DENND3: variants seen among roughly 807,000 people sequenced by gnomAD.
The protein encoded by DENND3 is DENN domain-containing protein 3.
DENND3 carries 88 observed loss-of-function variants against 135.1 expected under a neutral mutation model. The ratio of observed to expected loss-of-function variants is 0.65; its 90% CI spans 0.55 to 0.78. The LOEUF is 0.78. Ranked by LOEUF, DENND3 falls within the 30% of genes least tolerant of loss-of-function variation. DENND3 has a pLI of 0.00. For synonymous variants in DENND3, 693 were observed against 712.3 expected (o/e 0.97, Z 0.43); for missense variants, 1,392 against 1,688.4 (o/e 0.82, Z 3.08).
intron 5 of DENND3, chr8:141,150,248 AAG>A: frequency 8.7e-7 from 1 of 1,147,656 alleles, no homozygotes; most frequent in Non-Finnish European, 1.1e-6. Flanking sequence ...TCCCTCAGTG[AAG>A]GAACTGAACC....
rs1483569831 is a variant in DENND3 at position 141,141,576 on chromosome 8, G to C, written c.623+252G>C. 2 of 515,702 alleles carry C rather than the reference G, an allele frequency of 3.9e-6. No homozygotes were observed. Among genetic ancestry groups the C allele is most frequent in the East Asian group, 6.9e-5 (2 of 29,062 alleles). The allele number at this position is 515,702 out of a possible 1,614,324, so 31.9% of individuals were successfully genotyped here. ...CTCCTCTCTGTGACTGGTAACATAC[G>C]GTAATGGCATGGTAGGAAAGGGATG... On this transcript the variant is annotated intron_variant, in intron 4 of 22. Transcript: ENST00000519811. This position sits in a 1 kb window ranked among gnomAD's most constrained non-coding sequence, Gnocchi z 5.3.
At position 141,141,464 on chromosome 8, in the gene DENND3, TG is replaced by T; in HGVS notation, c.623+145del. Reference sequence around the variant, plus strand: ...CCTGGTGAGCCGGGGGACCGGGCGCTGGGGGCAGTAGGAGGGGCAGTTCTCT... The same window carrying T: ...CCTGGTGAGCCGGGGGACCGGGCGCTGGGGCAGTAGGAGGGGCAGTTCTCT... On this transcript the variant is annotated intron_variant, in intron 4 of 22. Transcript: ENST00000519811. This position sits in a 1 kb window ranked among gnomAD's most constrained non-coding sequence, Gnocchi z 5.3. 2.5e-6 allele frequency: 2 copies of T among 789,458 alleles called. No individual in the cohort carries two copies. The highest frequency in any genetic ancestry group is 3.5e-6 in the Non-Finnish European group (2 of 571,980). The allele number at this position is 789,458 out of a possible 1,614,324, so 48.9% of individuals were successfully genotyped here.
At chr8:141,145,280 A>G (rs1182003221) in intron 5 of DENND3, among the ~76,000 whole-genome samples, 1 of 152,196 alleles carries the variant, frequency 6.6e-6, no homozygotes, top group African/African-American at 2.4e-5. Context: ...TTGCCAAGTA[A>G]AGAATCCCTG....
In DENND3 at chr8:141,151,599, G is replaced by A; in HGVS notation, c.856-20G>A. On this transcript the variant is annotated intron_variant, in intron 6 of 22. Transcript: ENST00000519811. ...TTTTTTTTAAAAGCATGTACTCAGT[G>A]CGGCGGGTTCTCCCCTCAGATCCTG... is the stretch of plus-strand genomic sequence containing the variant. 1 of 1,607,646 alleles carries A rather than the reference G, an allele frequency of 6.2e-7. No individual in the cohort carries two copies. The highest frequency in any genetic ancestry group is 8.5e-7 in the Non-Finnish European group (1 of 1,174,494).
rs1419652443 is a variant in DENND3, at chr8:141,146,681, C to A, written c.735+2422C>A. On this transcript the variant is annotated intron_variant, in intron 5 of 22. Transcript: ENST00000519811. The surrounding 1 kb of genome is among the most constrained non-coding windows in gnomAD (Gnocchi z 4.3). ...ATGTGCGTTTTTAACATTACCCCAA[C>A]CCCAGCAGTCTGCTGGGTGGAAAAT... Among the ~76,000 whole-genome samples, 1 of 152,134 alleles carries A rather than the reference C, an allele frequency of 6.6e-6. No individual in the cohort carries two copies. The highest frequency in any genetic ancestry group is 2.4e-5 in the African/African-American group (1 of 41,410).
At position 141,137,445 on chromosome 8, in the gene DENND3, G is replaced by A. The variant is rs560380981; in HGVS notation, c.386-577G>A. On this transcript the variant is annotated intron_variant, in intron 2 of 22. Coordinates refer to ENST00000519811, the MANE Select transcript of DENND3 (RefSeq NM_001352890.3). This position sits in a 1 kb window ranked among gnomAD's most constrained non-coding sequence, Gnocchi z 4.1. ...CTTTGACTTAAAATGAAGTCTTGCA[G>A]TGGTTGGCAGATGGATTAAAAATAC... Among the ~76,000 whole-genome samples, 4 of 152,304 alleles carry A rather than the reference G, an allele frequency of 2.6e-5. No homozygotes were observed. In the South Asian group the frequency reaches 8.3e-4, roughly 32 times the overall value.
At chr8:141,189,521 G>C (rs1327225129) in intron 19 of DENND3, among the ~76,000 whole-genome samples, 1 of 152,252 alleles carries the variant, frequency 6.6e-6, no homozygotes, top group Non-Finnish European at 1.5e-5. Context: ...GCCTTGGGCT[G>C]CCTGTTCGCT....
chr8:141,139,509 A>C lies in DENND3; in HGVS notation c.501+1372A>C, dbSNP rs1315497052. Among the ~76,000 whole-genome samples, 1 of 152,202 alleles carries C rather than the reference A, an allele frequency of 6.6e-6. No individual in the cohort carries two copies. The highest frequency in any genetic ancestry group is 1.5e-5 in the Non-Finnish European group (1 of 68,032). On this transcript the variant is annotated intron_variant, in intron 3 of 22. Coordinates refer to ENST00000519811, the MANE Select transcript of DENND3 (RefSeq NM_001352890.3). The surrounding 1 kb of genome is among the most constrained non-coding windows in gnomAD (Gnocchi z 4.2). ...CGTCCGCCTCTGTGACCTGGCTGCC[A>C]GCAGCCCCAGGCCTTTCTTCCAGGG...
chr8:141,161,437 T>C (rs1241214437), intron 9 of DENND3, among the ~76,000 whole-genome samples: 2 of 152,244 alleles, frequency 1.3e-5, no homozygotes, highest in Non-Finnish European at 2.9e-5. Context: ...TGAGCTGGAA[T>C]TGGTTAAGTG....
chr8:141,130,436 A>T lies in DENND3; in HGVS notation c.102+1627A>T, dbSNP rs767847166. Among the ~76,000 whole-genome samples, 1 of 152,004 alleles carries T rather than the reference A, an allele frequency of 6.6e-6. No individual in the cohort carries two copies. Among genetic ancestry groups the T allele is most frequent in the Non-Finnish European group, 1.5e-5 (1 of 68,018 alleles). Reference sequence around the variant, plus strand: ...GTTCCCAGGTCAAGTGAGAGTATGGACAGTCTGCTACTGTGCATGCTTAAC... The same window carrying T: ...GTTCCCAGGTCAAGTGAGAGTATGGTCAGTCTGCTACTGTGCATGCTTAAC... On this transcript the variant is annotated intron_variant, in intron 1 of 22. Transcript: ENST00000519811. This position sits in a 1 kb window ranked among gnomAD's most constrained non-coding sequence, Gnocchi z 4.2.
intron 8 of DENND3, chr8:141,157,366 C>G (rs773547587): frequency 2.0e-6 from 2 of 985,370 alleles, no homozygotes; most frequent in Non-Finnish European, 2.4e-6. Flanking sequence ...CTCGGGGTTG[C>G]TCTGCGGAGC....
rs367601366 is a variant in DENND3 at position 141,180,721 on chromosome 8, A to G, written c.2837-26A>G. On this transcript the variant is annotated intron_variant, in intron 16 of 22. Transcript: ENST00000519811. Reference sequence around the variant, plus strand: ...TCTGTTTCCTTGAGGCTGCAACAGTAACACTCCAAGTGTCTTGTCTTTCAG... The same window carrying G: ...TCTGTTTCCTTGAGGCTGCAACAGTGACACTCCAAGTGTCTTGTCTTTCAG... 1.1e-5 allele frequency: 17 copies of G among 1,602,570 alleles called. No individual in the cohort carries two copies. The African/African-American group carries it at 2.1e-4, about 20-fold the overall frequency.
rs1410086075 is a variant in DENND3 at position 141,154,218 on chromosome 8, C to G, written c.1075-1631C>G. Reference sequence around the variant, plus strand: ...GAGAGCCGGGGAGTCGGGGCCTTCCCCAGGAACCTGGCATTGCATTCCGGG... The same window carrying G: ...GAGAGCCGGGGAGTCGGGGCCTTCCGCAGGAACCTGGCATTGCATTCCGGG... On this transcript the variant is annotated intron_variant, in intron 7 of 22. Coordinates refer to ENST00000519811, the MANE Select transcript of DENND3 (RefSeq NM_001352890.3). This position sits in a 1 kb window ranked among gnomAD's most constrained non-coding sequence, Gnocchi z 4.4. 1.3e-5 allele frequency among the ~76,000 whole-genome samples: 2 copies of G among 152,240 alleles called. No homozygotes were observed. The highest frequency in any genetic ancestry group is 2.9e-5 in the Non-Finnish European group (2 of 68,042).
rs1420705422 is a variant in DENND3, at chr8:141,166,619, T to C, written c.1753+230T>C. Among the ~76,000 whole-genome samples, 1 of 152,236 alleles carries C rather than the reference T, an allele frequency of 6.6e-6. No individual in the cohort carries two copies. The highest frequency in any genetic ancestry group is 1.5e-5 in the Non-Finnish European group (1 of 68,030). On this transcript the variant is annotated intron_variant, in intron 12 of 22. Transcript: ENST00000519811. The surrounding 1 kb of genome is among the most constrained non-coding windows in gnomAD (Gnocchi z 4.3). ...TGTCACCGCTAAAGATAACGGGGGC[T>C]CGGCATGGTTCGGCATCCTTCACAG...
chr8:141,136,891 G>A (rs1311440409), intron 2 of DENND3, 100 bp downstream of exon 2: 14 of 1,317,210 alleles, frequency 1.1e-5, no homozygotes, highest in East Asian at 5.4e-5. Flanking sequence ...TGACGTGAGC[G>A]GCAGAGCCAG....
chr8:141,155,870 AT>A lies in DENND3; in HGVS notation c.1097del (p.Ile366LysfsTer55). 6.2e-7 allele frequency: 1 copy of A among 1,608,412 alleles called. No individual in the cohort carries two copies. On this transcript the variant is annotated frameshift_variant, in exon 8 of 23. Coordinates refer to ENST00000519811, the MANE Select transcript of DENND3 (RefSeq NM_001352890.3). LOFTEE classifies it high-confidence loss of function. ...VSKEADGLVL[I>X]NIDHGSITYS... is the part of the protein sequence containing the mutation. ...CTAGGAAGCCGACGGTTTAGTTCTG[AT>A]AAATATTGATCATGGGAGCATCACC...
intron 6 of DENND3, among the ~76,000 whole-genome samples, chr8:141,151,210 C>T (rs185736774): frequency 8.4e-4 from 128 of 152,286 alleles, no homozygotes; most frequent in Admixed American, 5.0e-3. Flanking sequence ...CGCAGTCAGT[C>T]TGGTTTGGTT....
chr8:141,150,750 G>A, intron 5 of DENND3, 84 bp from the exon 6 acceptor site: 1 of 1,455,604 alleles, frequency 6.9e-7, no homozygotes, highest in Non-Finnish European at 9.1e-7. Flanking sequence ...CTGATGCCCT[G>A]GGCACCGAAA....
chr8:141,134,326 G>A (rs891818505), intron 1 of DENND3, among the ~76,000 whole-genome samples: 4 of 150,032 alleles, frequency 2.7e-5, no homozygotes, highest in African/African-American at 9.8e-5. Context: ...AGACAGTCTC[G>A]CTCTGTTGCC....
Sources: allele counts gnomAD v4.1 joint callset (sites outside exome capture counted in the v4.1 genomes callset), GRCh38; gene constraint gnomAD v4.1.1; non-coding constraint Gnocchi (gnomAD v3.1); transcripts MANE v1.5; gene names NCBI Gene and HGNC (gene_info 2026-07-23, HGNC 2026-07-21).